CRADD: variants seen among roughly 807,000 people sequenced by gnomAD.
CRADD encodes the protein death domain-containing protein CRADD.
Under a neutral mutation model 15.5 loss-of-function variants are expected in CRADD, and 9 were observed. The observed-to-expected ratio is 0.58, with a 90% CI of 0.35 to 1.01. The LOEUF is 1.01. Ranked by LOEUF, CRADD falls within the 50% of genes least tolerant of loss-of-function variation. The pLI is 0.02. For synonymous variants in CRADD, 118 were observed against 107.6 expected (o/e 1.10, Z -0.60); for missense variants, 227 against 250.3 (o/e 0.91, Z 0.63).
chr12:93,720,956 T>C (rs1956250497), intron 2 of CRADD, among the ~76,000 whole-genome samples: 1 of 152,242 alleles, frequency 6.6e-6, no homozygotes, highest in Non-Finnish European at 1.5e-5. Context: ...ATATTTGTTA[T>C]TGTGTTTTAT....
intron 2 of CRADD, among the ~76,000 whole-genome samples, chr12:93,719,962 T>A: frequency 6.6e-6 from 1 of 152,132 alleles, no homozygotes. Flanking sequence ...TATACTTTTT[T>A]TTGCTTTTGC....
At chr12:93,813,049 T>C (rs1957647172) in intron 2 of CRADD, among the ~76,000 whole-genome samples, 1 of 152,244 alleles carries the variant, frequency 6.6e-6, no homozygotes, top group Non-Finnish European at 1.5e-5. Flanking sequence ...ATTTAAGGGA[T>C]ATGTGTTATA....
At chr12:93,861,850 G>A (rs534925132) in intron 2 of CRADD, among the ~76,000 whole-genome samples, 2 of 152,242 alleles carry the variant, frequency 1.3e-5, no homozygotes, top group East Asian at 3.9e-4. Context: ...TGAAGACAGG[G>A]TGATATGGTT....
At position 93,806,122 on chromosome 12, in the gene CRADD, A is replaced by G. The variant is rs765484110; in HGVS notation, c.299-43848A>G. 5.5e-4 allele frequency among the ~76,000 whole-genome samples: 83 copies of G among 152,226 alleles called. No individual in the cohort carries two copies. The Middle Eastern group carries it at 0.02, about 37-fold the overall frequency. ...TTTTCTTTCAGTGGCTGAAAATGTC[A>G]GTTACCATGAGCCTGGTGTAGTTGG... On this transcript the variant is annotated intron_variant, in intron 2 of 2. Transcript: ENST00000332896.
chr12:93,755,405 T>A (rs1169348527), intron 2 of CRADD, among the ~76,000 whole-genome samples: 1 of 152,168 alleles, frequency 6.6e-6, no homozygotes, highest in Non-Finnish European at 1.5e-5. Flanking sequence ...ATTTTTTAAA[T>A]CTCTGTTCTA....
intron 2 of CRADD, among the ~76,000 whole-genome samples, chr12:93,893,602 T>C (rs776423473): frequency 2.0e-5 from 3 of 152,184 alleles, no homozygotes; most frequent in Non-Finnish European, 4.4e-5. Context: ...AAGGGAGCCA[T>C]GTTCTTTAAA....
At chr12:93,872,385 C>T (rs1409632553) in intron 2 of CRADD, among the ~76,000 whole-genome samples, 1 of 152,122 alleles carries the variant, frequency 6.6e-6, no homozygotes, top group East Asian at 1.9e-4. Flanking sequence ...GTCTCATTTG[C>T]TGTGCAGAAG....
intron 2 of CRADD, among the ~76,000 whole-genome samples, chr12:93,890,554 G>T (rs965154240): frequency 3.3e-5 from 5 of 151,730 alleles, no homozygotes; most frequent in African/African-American, 1.2e-4. Context: ...ATCTGGAGGG[G>T]AAGGGCAGGA....
intron 1 of CRADD, chr12:93,677,792 C>T (rs1391561546): frequency 1.3e-5 from 2 of 152,364 alleles, no homozygotes; most frequent in Non-Finnish European, 1.5e-5. Flanking sequence ...TGAACACCTC[C>T]CCTCCTCACC....
intron 2 of CRADD, among the ~76,000 whole-genome samples, chr12:93,832,857 G>T (rs1957925263): frequency 6.6e-6 from 1 of 152,174 alleles, no homozygotes; most frequent in South Asian, 2.1e-4. Context: ...AATAACCTGT[G>T]AAGAAGCAGT....
intron 2 of CRADD, among the ~76,000 whole-genome samples, chr12:93,803,034 T>A (rs2136998878): frequency 6.6e-6 from 1 of 152,300 alleles, no homozygotes; most frequent in East Asian, 1.9e-4. Context: ...ATGATAATTG[T>A]TTGAGATTGA....
At chr12:93,684,658 A>G (rs1377275416) in intron 2 of CRADD, among the ~76,000 whole-genome samples, 1 of 152,206 alleles carries the variant, frequency 6.6e-6, no homozygotes, top group South Asian at 2.1e-4. Context: ...TAAGCAAATG[A>G]ATAAATAACA....
chr12:93,811,454 TGAA>T (rs1957625683), intron 2 of CRADD, among the ~76,000 whole-genome samples: 1 of 152,226 alleles, frequency 6.6e-6, no homozygotes, highest in Admixed American at 6.5e-5. Context: ...CTGGCACCAT[TGAA>T]GGACTCTGCC....
At chr12:93,893,321 T>C (rs1958589649) in intron 2 of CRADD, among the ~76,000 whole-genome samples, 1 of 152,090 alleles carries the variant, frequency 6.6e-6, no homozygotes, top group African/African-American at 2.4e-5. Flanking sequence ...ATTTTGTGAA[T>C]AAAATAGAGG....
chr12:93,805,817 T>C (rs959458760), intron 2 of CRADD, among the ~76,000 whole-genome samples: 1 of 152,108 alleles, frequency 6.6e-6, no homozygotes, highest in African/African-American at 2.4e-5. Flanking sequence ...AATGCCTTGG[T>C]GATGACATAT....
chr12:93,748,599 G>A (rs780077200), intron 2 of CRADD, among the ~76,000 whole-genome samples: 10 of 152,174 alleles, frequency 6.6e-5, no homozygotes, highest in East Asian at 3.9e-4. Flanking sequence ...GACCCACTGC[G>A]CCCAGCCAGG....
At chr12:93,737,610 T>A (rs1469727915) in intron 2 of CRADD, 5 of 152,212 alleles carry the variant, frequency 3.3e-5, no homozygotes, top group African/African-American at 1.2e-4. Context: ...TCACCTTTTC[T>A]CCATGGGATT....
chr12:93,692,800 C>A (rs889450817), intron 2 of CRADD, among the ~76,000 whole-genome samples: 5 of 152,100 alleles, frequency 3.3e-5, no homozygotes, highest in Non-Finnish European at 7.4e-5. Context: ...CTTACATAGT[C>A]AAATTTGGAA....
intron 2 of CRADD, among the ~76,000 whole-genome samples, chr12:93,879,946 C>A (rs1958484231): frequency 6.6e-6 from 1 of 152,160 alleles, no homozygotes; most frequent in Non-Finnish European, 1.5e-5. Context: ...TCAGATTTGA[C>A]AGTAATATCA....
Sources: allele counts gnomAD v4.1 joint callset (sites outside exome capture counted in the v4.1 genomes callset), GRCh38; gene constraint gnomAD v4.1.1; transcripts MANE v1.5; gene names NCBI Gene and HGNC (gene_info 2026-07-23, HGNC 2026-07-21).